Variants in RO60 observed in about 807,000 individuals in gnomAD.
RO60 encodes RNA-binding protein RO60.
In RO60, 20 loss-of-function variants were observed where a neutral mutation model predicts 55.3. The observed-to-expected ratio is 0.36, with a 90% CI of 0.25 to 0.53. The LOEUF (loss-of-function observed/expected upper bound fraction) is 0.53, where lower values mean the gene tolerates loss of function less well. Ranked by LOEUF, RO60 falls within the 20% of genes least tolerant of loss-of-function variation. The pLI is 0.92. For synonymous variants in RO60, 213 were observed against 213.6 expected, an observed-to-expected ratio of 1.00 and a Z score of 0.02; for missense variants, 558 against 646.6, an observed-to-expected ratio of 0.86 and a Z score of 1.49.
At position 193,086,709 on chromosome 1, in the gene RO60, A is replaced by G. The variant is rs150193543; in HGVS notation, c.*1978A>G. The G allele has an allele frequency of 2.2e-3, 331 of 152,246 alleles. No homozygotes were observed. The highest frequency in any genetic ancestry group is 5.9e-3 in the African/African-American group (246 of 41,562). 9.4% of individuals were successfully genotyped at this position (152,246 alleles called of 1,614,324 possible). On this transcript the variant is annotated 3_prime_UTR_variant, in exon 9 of 9. Transcript: ENST00000400968. Reference sequence around the variant, plus strand: ...ATAATACTTTTAGACAAATATATCTATAAGTTAATATTAAATCCATCAAGG... The same window carrying G: ...ATAATACTTTTAGACAAATATATCTGTAAGTTAATATTAAATCCATCAAGG...
In RO60 at chr1:193,084,866, GAAAAA is replaced by G; in HGVS notation, c.*143_*147del. 1 of 1,113,352 alleles carries G rather than the reference GAAAAA, an allele frequency of 9.0e-7. No homozygotes were observed. Among genetic ancestry groups the G allele is most frequent in the Non-Finnish European group, 1.2e-6 (1 of 834,928 alleles). 69.0% of individuals were successfully genotyped at this position (1,113,352 alleles called of 1,614,324 possible). On this transcript the variant is annotated 3_prime_UTR_variant, in exon 9 of 9. Transcript: ENST00000400968. ...GTGCATAATGGAAAGTTACCTTACT[GAAAAA>G]AAAAAAAGAAGGAAAAATAAGATGG...
intron 1 of RO60, among the ~76,000 whole-genome samples, chr1:193,060,809 T>C (rs1031908441): frequency 6.6e-6 from 1 of 152,220 alleles, no homozygotes; most frequent in South Asian, 2.1e-4. Flanking sequence ...GAGGATTCTG[T>C]ACAGTATATT....
At chr1:193,080,989 C>T (rs1291516415) in intron 5 of RO60, among the ~76,000 whole-genome samples, 1 of 152,038 alleles carries the variant, frequency 6.6e-6, no homozygotes, top group Admixed American at 6.6e-5. Flanking sequence ...CCAAATTGTA[C>T]ATCTAAAAAT....
rs1411354718 is a variant in RO60 at position 193,059,983 on chromosome 1, G to C, written c.-22+207G>C. 2 of 1,366,274 alleles carry C rather than the reference G, an allele frequency of 1.5e-6. No individual in the cohort carries two copies. The highest frequency in any genetic ancestry group is 2.3e-5 in the South Asian group (2 of 88,018). 84.6% of individuals were successfully genotyped at this position (1,366,274 alleles called of 1,614,324 possible). On this transcript the variant is annotated intron_variant, in intron 1 of 8. Transcript: ENST00000400968. This position sits in a 1 kb window ranked among gnomAD's most constrained non-coding sequence, Gnocchi z 4.9. ...CATCGCGGTAGGGACATCCTCGCTA[G>C]GCCCGGCCGGACCATTCCTCAGGGT...
At position 193,088,415 on chromosome 1, in the gene RO60, A is replaced by G. The variant is rs867172335; in HGVS notation, c.*3684A>G. The G allele has an allele frequency of 1.4e-4, 22 of 151,970 alleles. No homozygotes were observed. Among genetic ancestry groups the G allele is most frequent in the African/African-American group, 5.3e-4 (22 of 41,462 alleles). 9.4% of individuals were successfully genotyped at this position (151,970 alleles called of 1,614,324 possible). A position where few individuals can be genotyped will look rare whatever the true frequency, so the allele number is the denominator to read the frequency against. On this transcript the variant is annotated 3_prime_UTR_variant, in exon 9 of 9. Coordinates refer to ENST00000400968, the MANE Select transcript of RO60 (RefSeq NM_001173524.2). Reference sequence around the variant, plus strand: ...TTTTCTTATTTTCTAGATTTTACAGAAACAATGTGAAATTATTTTGGAAAG... The same window carrying G: ...TTTTCTTATTTTCTAGATTTTACAGGAACAATGTGAAATTATTTTGGAAAG...
intron 2 of RO60, among the ~76,000 whole-genome samples, chr1:193,072,953 A>G (rs1236003166): frequency 6.6e-6 from 1 of 152,216 alleles, no homozygotes; most frequent in East Asian, 1.9e-4. Flanking sequence ...TGGACAGAGA[A>G]TCCCTAGCAT....
rs747834791 is a variant in RO60, at chr1:193,069,629, G to T, written c.575G>T (p.Ser192Ile). 6.2e-7 allele frequency: 1 copy of T among 1,605,292 alleles called. No homozygotes were observed. Among genetic ancestry groups the T allele is most frequent in the East Asian group, 2.2e-5 (1 of 44,696 alleles). Reference sequence around the variant, plus strand: ...AGATTGTCACATCTTAAACCTTCCAGTGAAGGTAAGCATAAGATCTTCATT... The same window carrying T: ...AGATTGTCACATCTTAAACCTTCCATTGAAGGTAAGCATAAGATCTTCATT... The part of the protein sequence containing the change: ...LLRLSHLKPS[S>I]EGLAIVTKYI... Residue 192 changes from serine (S) to isoleucine (I), a missense_variant, in exon 2 of 9, where the codon AGT (serine) becomes ATT (isoleucine). Transcript: ENST00000400968.
chr1:193,071,266 G>T (rs757425627), intron 2 of RO60, among the ~76,000 whole-genome samples: 2 of 152,214 alleles, frequency 1.3e-5, no homozygotes, highest in Non-Finnish European at 2.9e-5. Flanking sequence ...ACTGGTATCC[G>T]TGTATAGCCT....
intron 1 of RO60, among the ~76,000 whole-genome samples, chr1:193,062,854 G>T (rs548826045): frequency 8.5e-5 from 13 of 152,302 alleles, no homozygotes; most frequent in Non-Finnish European, 1.6e-4. Context: ...ATTGTGTCAT[G>T]TATCACTACT....
intron 1 of RO60, among the ~76,000 whole-genome samples, chr1:193,063,430 TGTAA>T (rs1672914126): frequency 6.6e-6 from 1 of 152,258 alleles, no homozygotes; most frequent in African/African-American, 2.4e-5. Context: ...ATTATTAAGT[TGTAA>T]GTGTTCTTAA....
At chr1:193,076,169 T>C in intron 3 of RO60, 129 bp downstream of exon 3, 1 of 593,630 alleles carries the variant, frequency 1.7e-6, no homozygotes, top group Non-Finnish European at 2.7e-6. Flanking sequence ...TATCTTGAAA[T>C]TGATGTCTGT....
chr1:193,070,528 C>CTTTTT, intron 2 of RO60: 1 of 365,924 alleles, frequency 2.7e-6, no homozygotes, highest in Non-Finnish European at 5.5e-6. Flanking sequence ...CAAAATTTGA[C>CTTTTT]TTTTTTTTTT....
In RO60 at chr1:193,086,873, A is replaced by T. The variant is rs556167723; in HGVS notation, c.*2142A>T. The T allele has an allele frequency of 6.6e-6, 1 of 152,240 alleles. No individual in the cohort carries two copies. Among genetic ancestry groups the T allele is most frequent in the South Asian group, 2.1e-4 (1 of 4,830 alleles). The allele number at this position is 152,240 out of a possible 1,614,324, so 9.4% of individuals were successfully genotyped here. A position where few individuals can be genotyped will look rare whatever the true frequency, so the allele number is the denominator to read the frequency against. Reference sequence around the variant, plus strand: ...AACTTTTCAAATCATGGCATATTTGAGCTGGAAGAAACCTTAGAAACCTAA... The same window carrying T: ...AACTTTTCAAATCATGGCATATTTGTGCTGGAAGAAACCTTAGAAACCTAA... On this transcript the variant is annotated 3_prime_UTR_variant, in exon 9 of 9. Coordinates refer to ENST00000400968, the MANE Select transcript of RO60 (RefSeq NM_001173524.2).
intron 1 of RO60, chr1:193,060,117 C>T (rs1294946642): frequency 8.3e-7 from 1 of 1,206,068 alleles, no homozygotes; most frequent in South Asian, 1.5e-5. Flanking sequence ...TCTCCCGCGG[C>T]TTCTGCGCGG....
At chr1:193,065,707 G>A (rs938307867) in intron 1 of RO60, among the ~76,000 whole-genome samples, 6 of 152,164 alleles carry the variant, frequency 3.9e-5, no homozygotes, top group Middle Eastern at 3.4e-3. Context: ...AGGAGAACAG[G>A]CATCCACTGC....
intron 1 of RO60, among the ~76,000 whole-genome samples, chr1:193,067,224 C>G (rs1303069964): frequency 7.2e-6 from 1 of 138,156 alleles, no homozygotes; most frequent in Non-Finnish European, 1.5e-5. Context: ...CTCGCTCTGT[C>G]CCCCAGGCTG....
At chr1:193,074,953 G>T (rs1285507690) in intron 2 of RO60, among the ~76,000 whole-genome samples, 2 of 152,160 alleles carry the variant, frequency 1.3e-5, no homozygotes, top group Non-Finnish European at 2.9e-5. Flanking sequence ...TCGAGATGGA[G>T]TTTTGCCACG....
chr1:193,082,140 AT>A, intron 6 of RO60, 45 bp from the exon 7 acceptor site: 1 of 1,116,014 alleles, frequency 9.0e-7, no homozygotes, highest in Non-Finnish European at 1.4e-6. Context: ...AAAATATTGT[AT>A]TTCCCCCCAA....
rs754439147 is a variant in RO60, at chr1:193,079,961, TA to T, written c.1087-1383del. On this transcript the variant is annotated intron_variant, in intron 5 of 8. Transcript: ENST00000400968. ...GGCCAACATGGTGATACCCCGTCTCTAAAAAAAAAAAAAAAAAAAATTAGCT... is the reference window on the plus strand; with the variant it reads ...GGCCAACATGGTGATACCCCGTCTCTAAAAAAAAAAAAAAAAAAATTAGCT... Among the ~76,000 whole-genome samples, 544 of 115,618 alleles carry T rather than the reference TA, an allele frequency of 4.7e-3. 3 individuals carry two copies. The highest frequency in any genetic ancestry group is 0.024 in the South Asian group (92 of 3,776). 75.8% of individuals were successfully genotyped at this position (115,618 alleles called of 152,430 possible). A position where few individuals can be genotyped will look rare whatever the true frequency, so the allele number is the denominator to read the frequency against.
Sources: allele counts gnomAD v4.1 joint callset (sites outside exome capture counted in the v4.1 genomes callset), GRCh38; gene constraint gnomAD v4.1.1; non-coding constraint Gnocchi (gnomAD v3.1); transcripts MANE v1.5; gene names NCBI Gene and HGNC (gene_info 2026-07-23, HGNC 2026-07-21).